The following MYPN variants were observed in gnomAD, a reference collection of about 807,000 sequenced individuals.
The protein encoded by MYPN is sarcomeric protein myopalladin, 145 kDa (MYOP).
MYPN carries 63 observed loss-of-function variants against 129.4 expected under a neutral mutation model. The observed-to-expected ratio is 0.49, with a 90% CI of 0.40 to 0.60. MYPN has a LOEUF of 0.60. Among genes scored for constraint, MYPN ranks in the 20% least tolerant of loss-of-function variants. MYPN has a pLI of 0.00. For missense variants in MYPN, 1,596 were observed against 1,635.4 expected, an observed-to-expected ratio of 0.98 and a Z score of 0.42; for synonymous variants, 629 against 600.9, an observed-to-expected ratio of 1.05 and a Z score of -0.68.
intron 12 of MYPN, among the ~76,000 whole-genome samples, chr10:68,175,894 A>G (rs2043220513): frequency 1.3e-5 from 2 of 152,112 alleles, no homozygotes; most frequent in Admixed American, 6.5e-5. Context: ...AGCTGAGACT[A>G]CAGGCCCAGC....
chr10:68,189,070 A>G lies in MYPN; in HGVS notation c.2869A>G (p.Thr957Ala), dbSNP rs778178863. 118 of 1,614,074 alleles carry G rather than the reference A, an allele frequency of 7.3e-5. No homozygotes were observed. Among genetic ancestry groups the G allele is most frequent in the Non-Finnish European group, 9.7e-5 (114 of 1,180,022 alleles). ...FDKRLKHFRVTEGSPVTFTCK... is the reference protein window; with the variant it reads ...FDKRLKHFRVAEGSPVTFTCK... ...CAAGAGACTCAAGCACTTCCGGGTC[A>G]CAGAAGGCTCTCCAGTTACATTCAC... The change falls in exon 13 of 20, where the codon ACA (threonine) becomes GCA (alanine). Residue 957 changes from threonine to alanine, a missense_variant. By Grantham distance (58) the Thr-to-Ala change is moderately conservative. Transcript: ENST00000358913.
chr10:68,108,122 C>G (rs537388667), upstream of MYPN, among the ~76,000 whole-genome samples: 1 of 152,220 alleles, frequency 6.6e-6, no homozygotes, highest in Non-Finnish European at 1.5e-5. Context: ...CATTGAAGCT[C>G]TGGGTTACTG....
chr10:68,151,366 A>T (rs1382022574), intron 6 of MYPN, among the ~76,000 whole-genome samples: 3 of 152,212 alleles, frequency 2.0e-5, no homozygotes, highest in Non-Finnish European at 4.4e-5. Flanking sequence ...GATGCCTCTC[A>T]ATTTTTCAAG....
At chr10:68,125,800 AC>A (rs1010594966) in intron 2 of MYPN, among the ~76,000 whole-genome samples, 2 of 152,248 alleles carry the variant, frequency 1.3e-5, no homozygotes, top group African/African-American at 2.4e-5. Flanking sequence ...CAATTGAGTT[AC>A]TAAAGTGATT....
intron 2 of MYPN, among the ~76,000 whole-genome samples, chr10:68,133,996 C>G (rs966723550): frequency 1.3e-5 from 2 of 151,978 alleles, no homozygotes; most frequent in Non-Finnish European, 2.9e-5. Flanking sequence ...CCATGAGAGG[C>G]TCTAAATTGA....
In MYPN at chr10:68,194,437, G is replaced by C. The variant is rs757445753; in HGVS notation, c.3000G>C (p.Gly1000=). ...EHCKMRREGD[G]TCSLHIESTT... The stretch of plus-strand genomic sequence containing the variant: ...GCAAAATGAGGCGAGAAGGAGATGG[G>C]ACATGCTCTCTGCACATTGAATCCA... The change falls in exon 14 of 20, where the codon GGG becomes GGC. Residue 1000 remains glycine (G), a synonymous_variant. Coordinates refer to ENST00000358913, the MANE Select transcript of MYPN (RefSeq NM_032578.4). The C allele has an allele frequency of 1.9e-6, 3 of 1,613,862 alleles. No individual in the cohort carries two copies. Among genetic ancestry groups the C allele is most frequent in the Non-Finnish European group, 2.5e-6 (3 of 1,179,874 alleles).
rs932927899 is a variant in MYPN at position 68,154,519 on chromosome 10, A to T, written c.1318-3967A>T. ...TCTCCCCATTCAATCAATTCTGGAG[A>T]CTTTTCTTACTCAATGATTGCATGG... On this transcript the variant is annotated intron_variant, in intron 6 of 19. Transcript: ENST00000358913. Among the ~76,000 whole-genome samples, 4 of 152,164 alleles carry T rather than the reference A, an allele frequency of 2.6e-5. No homozygotes were observed. The East Asian group carries it at 5.8e-4, about 22-fold the overall frequency.
chr10:68,135,511 A>G (rs1263134473), intron 2 of MYPN: 2 of 984,658 alleles, frequency 2.0e-6, no homozygotes, highest in African/African-American at 1.7e-5. Context: ...AGAGCTGGAA[A>G]TGTGAGTAAG....
In MYPN at chr10:68,122,170, G is replaced by A. The variant is rs780114781; in HGVS notation, c.732G>A (p.Glu244=). 3 of 1,611,102 alleles carry A rather than the reference G, an allele frequency of 1.9e-6. No homozygotes were observed. Among genetic ancestry groups the A allele is most frequent in the Non-Finnish European group, 2.5e-6 (3 of 1,178,228 alleles). ...KRREAEQAAS[E]AAGGDTTPGS... ...GTGAAGCGGAGCAGGCTGCCAGTGA[G>A]GCGGCTGGTGGAGACACTACACCAG... The change falls in exon 2 of 20, where the codon GAG becomes GAA. Residue 244 remains glutamate (E), a synonymous_variant. Transcript: ENST00000358913.
In MYPN at chr10:68,166,593, G is replaced by A. The variant is rs148407539; in HGVS notation, c.1900G>A (p.Gly634Arg). Residue 634 changes from glycine (G) to arginine (R), a missense_variant, in exon 10 of 20, where the codon GGA (glycine) becomes AGA (arginine). Gly to Arg is a moderately radical substitution (Grantham distance 125). Coordinates refer to ENST00000358913, the MANE Select transcript of MYPN (RefSeq NM_032578.4). Reference sequence around the variant, plus strand: ...CGATTCTTTCCAGGAGAGGTTCAACGGACAGGCAACAAAAACCCCAGAGCC... The same window carrying A: ...CGATTCTTTCCAGGAGAGGTTCAACAGACAGGCAACAAAAACCCCAGAGCC... ...RPDSFQERFN[G>R]QATKTPEPSS... 1.5e-4 allele frequency: 246 copies of A among 1,614,108 alleles called. 3 individuals carry two copies. The Admixed American group carries it at 2.1e-3, about 14-fold the overall frequency.
intron 12 of MYPN, among the ~76,000 whole-genome samples, chr10:68,180,417 C>T (rs2043296447): frequency 6.6e-6 from 1 of 152,226 alleles, no homozygotes; most frequent in Non-Finnish European, 1.5e-5. Context: ...AACTCCTGAG[C>T]TCAAGCGATC....
In MYPN at chr10:68,189,054, C is replaced by G; in HGVS notation, c.2853C>G (p.Leu951=). Residue 951 remains leucine, a synonymous_variant, in exon 13 of 20, where the codon CTC becomes CTG. Coordinates refer to ENST00000358913, the MANE Select transcript of MYPN (RefSeq NM_032578.4). The stretch of plus-strand genomic sequence containing the variant: ...TTGCTCCCATCTTTGACAAGAGACT[C>G]AAGCACTTCCGGGTCACAGAAGGCT... ...KCIAPIFDKR[L]KHFRVTEGSP... is the part of the protein sequence containing the mutation. 1 of 1,614,134 alleles carries G rather than the reference C, an allele frequency of 6.2e-7. No individual in the cohort carries two copies. Among genetic ancestry groups the G allele is most frequent in the Non-Finnish European group, 8.5e-7 (1 of 1,180,000 alleles).
chr10:68,151,018 G>A (rs948660949), intron 6 of MYPN, among the ~76,000 whole-genome samples: 1 of 152,132 alleles, frequency 6.6e-6, no homozygotes, highest in African/African-American at 2.4e-5. Context: ...CAGCTGGGGG[G>A]TTGCGTTCCT....
Position 68,160,649 on chromosome 10 carries a change from C to A in MYPN, c.1460-1080C>A, listed in dbSNP as rs556811422. The stretch of plus-strand genomic sequence containing the variant: ...ACCTACTCTTGGCTGGGCATGGTGG[C>A]TCATGCCTTTTAATCCCAGCACTTT... On this transcript the variant is annotated intron_variant, in intron 7 of 19. Coordinates refer to ENST00000358913, the MANE Select transcript of MYPN (RefSeq NM_032578.4). Among the ~76,000 whole-genome samples, 4 of 152,228 alleles carry A rather than the reference C, an allele frequency of 2.6e-5. No individual in the cohort carries two copies. In the East Asian group the frequency reaches 7.7e-4, roughly 29 times the overall value.
chr10:68,106,180 A>C, upstream of MYPN: 1 of 454,050 alleles, frequency 2.2e-6, no homozygotes, highest in Admixed American at 2.3e-5. Context: ...TTCTCCTGAG[A>C]CAGGTAACCA....
chr10:68,185,399 A>G (rs1390396751), intron 12 of MYPN, among the ~76,000 whole-genome samples: 1 of 152,154 alleles, frequency 6.6e-6, no homozygotes, highest in Non-Finnish European at 1.5e-5. Context: ...CCATAGCAAG[A>G]GTCCCCAGCT....
At chr10:68,106,608 T>G, upstream of MYPN, 1 of 701,096 alleles carries the variant, frequency 1.4e-6, no homozygotes. Context: ...CAAGCAAAAC[T>G]TATTGAAGCT....
rs753337135 is a variant in MYPN at position 68,199,551 on chromosome 10, T to G, written c.3469T>G (p.Phe1157Val). The change falls in exon 17 of 20, where the codon TTT becomes GTT. Residue 1157 changes from phenylalanine (F) to valine (V), a missense_variant. Physicochemically the swap from Phe to Val is conservative, Grantham distance 50. Transcript: ENST00000358913. The part of the protein sequence containing the change: ...IATNKTGQNS[F>V]SLELSVVAKE... ...TACCAACAAAACCGGGCAGAATTCT[T>G]TTAGTCTGGAGCTCTCTGTAGTAGG... 2 of 1,612,894 alleles carry G rather than the reference T, an allele frequency of 1.2e-6. No individual in the cohort carries two copies. Among genetic ancestry groups the G allele is most frequent in the Non-Finnish European group, 1.7e-6 (2 of 1,179,638 alleles).
At chr10:68,126,650 G>A (rs2042330566) in intron 2 of MYPN, among the ~76,000 whole-genome samples, 1 of 152,174 alleles carries the variant, frequency 6.6e-6, no homozygotes, top group African/African-American at 2.4e-5. Flanking sequence ...CACCACAGAA[G>A]AAGGATGGGT....
Sources: gnomAD v4.1 joint callset for allele counts (sites outside exome capture counted in the v4.1 genomes callset) on GRCh38, gnomAD v4.1.1 for gene constraint, MANE v1.5 for transcripts, NCBI Gene and HGNC (gene_info 2026-07-23, HGNC 2026-07-21) for gene names.